The following SEMA6D variants were observed in gnomAD, a reference collection of about 807,000 sequenced individuals.
SEMA6D encodes semaphorin-6D.
SEMA6D carries 35 observed loss-of-function variants against 106.6 expected under a neutral mutation model. The ratio of observed to expected loss-of-function variants is 0.33; its 90% confidence interval spans 0.25 to 0.44. The LOEUF is 0.44. Among genes scored for constraint, SEMA6D ranks in the 20% least tolerant of loss-of-function variants. The pLI is 1.00. For missense variants in SEMA6D, 1,185 were observed against 1,345.9 expected, an observed-to-expected ratio of 0.88 and a Z score of 1.87; for synonymous variants, 499 against 487.7, an observed-to-expected ratio of 1.02 and a Z score of -0.31.
chr15:47,685,809 T>C (rs2078455545), intron 4 of SEMA6D, among the ~76,000 whole-genome samples: 2 of 152,162 alleles, frequency 1.3e-5, no homozygotes, highest in Non-Finnish European at 2.9e-5. Flanking sequence ...GTGAGCAAGA[T>C]TGACCCCAGA....
At chr15:47,304,180 T>C (rs2036134024) in intron 1 of SEMA6D, among the ~76,000 whole-genome samples, 2 of 152,026 alleles carry the variant, frequency 1.3e-5, no homozygotes, top group Non-Finnish European at 1.5e-5. Context: ...AAAAGTTTCT[T>C]AGCCGGGCAC....
At chr15:47,682,115 C>G (rs1283823787) in intron 4 of SEMA6D, among the ~76,000 whole-genome samples, 1 of 151,640 alleles carries the variant, frequency 6.6e-6, no homozygotes, top group African/African-American at 2.4e-5. Context: ...GATCTTTTCT[C>G]AACGAGTTAC....
intron 3 of SEMA6D, among the ~76,000 whole-genome samples, chr15:47,488,215 C>T (rs1416097931): frequency 1.3e-5 from 2 of 152,052 alleles, no homozygotes; most frequent in Non-Finnish European, 2.9e-5. Flanking sequence ...TGCAGAAATA[C>T]CAGAGGAAAC....
chr15:47,358,582 G>A lies in SEMA6D; in HGVS notation c.-238-53811G>A, dbSNP rs528748227. ...TTACCCTCCAAAATCATCCTTAGTCGTGGTGAAAGGATCATCTTGATGCGT... is the reference window on the plus strand; with the variant it reads ...TTACCCTCCAAAATCATCCTTAGTCATGGTGAAAGGATCATCTTGATGCGT... On this transcript the variant is annotated intron_variant, in intron 1 of 19. Transcript: ENST00000558014. 1.4e-4 allele frequency among the ~76,000 whole-genome samples: 22 copies of A among 152,244 alleles called. No homozygotes were observed. The South Asian group carries it at 3.7e-3, about 26-fold the overall frequency.
intron 4 of SEMA6D, among the ~76,000 whole-genome samples, chr15:47,658,430 A>G (rs2077848200): frequency 6.6e-6 from 1 of 152,328 alleles, no homozygotes; most frequent in Non-Finnish European, 1.5e-5. Context: ...AGATACATAG[A>G]TGGACTGTAA....
Position 47,420,111 on chromosome 15 carries a change from C to G in SEMA6D, c.-159+7639C>G, listed in dbSNP as rs551791674. Among the ~76,000 whole-genome samples the G allele has an allele frequency of 2.6e-3, 394 of 152,194 alleles. 1 individual carries two copies. The highest frequency in any genetic ancestry group is 9.0e-3 in the African/African-American group (375 of 41,532). On this transcript the variant is annotated intron_variant, in intron 2 of 19. Transcript: ENST00000558014. ...TCAGAAGGGTGATGTGCTCAGAACA[C>G]ACAGATACCCTCTTAAGTTGAGCCA... is the stretch of plus-strand genomic sequence containing the variant.
intron 3 of SEMA6D, among the ~76,000 whole-genome samples, chr15:47,497,057 A>G (rs866474570): frequency 6.6e-6 from 1 of 151,960 alleles, no homozygotes. Context: ...CTCTCTCAAT[A>G]GTTGTGCTCA....
At chr15:47,378,924 G>A (rs1243268157) in intron 1 of SEMA6D, among the ~76,000 whole-genome samples, 2 of 152,128 alleles carry the variant, frequency 1.3e-5, no homozygotes, top group African/African-American at 4.8e-5. Flanking sequence ...TCGTCAGTTG[G>A]CAAGGGATCT....
chr15:47,202,233 G>T (rs572157586), intron 1 of SEMA6D, among the ~76,000 whole-genome samples: 2 of 152,048 alleles, frequency 1.3e-5, no homozygotes, highest in East Asian at 1.9e-4. Flanking sequence ...GTTACACTGC[G>T]TCTCTAAAAT....
chr15:47,369,573 C>T (rs2039193828), intron 1 of SEMA6D, among the ~76,000 whole-genome samples: 2 of 152,066 alleles, frequency 1.3e-5, no homozygotes, highest in African/African-American at 2.4e-5. Flanking sequence ...CTATAAGATA[C>T]CGATTAGGAT....
chr15:47,303,317 C>CA (rs1185725716), intron 1 of SEMA6D, among the ~76,000 whole-genome samples: 6 of 152,180 alleles, frequency 3.9e-5, no homozygotes, highest in Non-Finnish European at 7.3e-5. Context: ...GCCTGTATGG[C>CA]AACGACTTGG....
rs569416410 is a variant in SEMA6D, at chr15:47,347,359, T to C, written c.-238-65034T>C. Among the ~76,000 whole-genome samples the C allele has an allele frequency of 5.9e-5, 9 of 152,340 alleles. No individual in the cohort carries two copies. In the South Asian group the frequency reaches 1.9e-3, roughly 32 times the overall value. ...ATGGACACCTATTTGCAGCCAGTGT[T>C]GAAAATTAGAGTAGGCTCTTCTGAA... On this transcript the variant is annotated intron_variant, in intron 1 of 19. Transcript: ENST00000558014.
At chr15:47,611,814 T>A (rs1395162721) in intron 4 of SEMA6D, among the ~76,000 whole-genome samples, 1 of 152,204 alleles carries the variant, frequency 6.6e-6, no homozygotes, top group Non-Finnish European at 1.5e-5. Flanking sequence ...ATGTCAAAAG[T>A]TATGTTTTTG....
intron 3 of SEMA6D, among the ~76,000 whole-genome samples, chr15:47,576,641 AT>A (rs1210838684): frequency 6.6e-6 from 1 of 152,164 alleles, no homozygotes; most frequent in Non-Finnish European, 1.5e-5. Flanking sequence ...TTAGAGAACT[AT>A]TAAGGCCTCT....
At chr15:47,334,040 G>C (rs1230742982) in intron 1 of SEMA6D, among the ~76,000 whole-genome samples, 1 of 152,156 alleles carries the variant, frequency 6.6e-6, no homozygotes. Flanking sequence ...GTCTTGTTGG[G>C]TTAAATCATG....
intron 2 of SEMA6D, among the ~76,000 whole-genome samples, chr15:47,464,374 G>C (rs2042598942): frequency 6.6e-6 from 1 of 152,056 alleles, no homozygotes; most frequent in African/African-American, 2.4e-5. Flanking sequence ...CCACCATAGA[G>C]GTGTCTCATA....
intron 3 of SEMA6D, among the ~76,000 whole-genome samples, chr15:47,486,441 T>C (rs1043899268): frequency 2.6e-5 from 4 of 152,214 alleles, no homozygotes; most frequent in African/African-American, 7.2e-5. Flanking sequence ...GATGAAGATG[T>C]CAATACTCCC....
chr15:47,406,578 T>C (rs568295334), intron 1 of SEMA6D, among the ~76,000 whole-genome samples: 16 of 152,218 alleles, frequency 1.1e-4, no homozygotes, highest in African/African-American at 3.9e-4. Flanking sequence ...GTCAATCTCA[T>C]AGTGACAGAG....
At chr15:47,552,835 T>A (rs11635915) in intron 3 of SEMA6D, among the ~76,000 whole-genome samples, 1 of 82,522 alleles carries the variant, frequency 1.2e-5, no homozygotes, top group African/African-American at 7.7e-5. Flanking sequence ...TATTTTTATA[T>A]ATATATAAAT....
Sources: allele counts gnomAD v4.1 joint callset (sites outside exome capture counted in the v4.1 genomes callset), GRCh38; gene constraint gnomAD v4.1.1; transcripts MANE v1.5; gene names NCBI Gene and HGNC (gene_info 2026-07-23, HGNC 2026-07-21).